The following HTR2A variants were observed in gnomAD, a reference collection of about 807,000 sequenced individuals.
HTR2A encodes the protein 5-hydroxytryptamine receptor 2A.
A neutral mutation model predicts 31.0 loss-of-function variants in HTR2A; 14 were observed. The ratio of observed to expected loss-of-function variants is 0.45; its 90% CI spans 0.30 to 0.71. HTR2A has a LOEUF of 0.71. Among genes scored for constraint, HTR2A ranks in the 30% least tolerant of loss-of-function variants. The pLI is 0.09. For missense variants in HTR2A, 442 were observed against 573.3 expected, an observed-to-expected ratio of 0.77 and a Z score of 2.34; for synonymous variants, 209 against 225.2, an observed-to-expected ratio of 0.93 and a Z score of 0.64.
At chr13:46,869,087 G>A (rs539019973) in intron 3 of HTR2A, among the ~76,000 whole-genome samples, 10 of 152,128 alleles carry the variant, frequency 6.6e-5, no homozygotes, top group African/African-American at 1.7e-4. Context: ...TAGATAAACC[G>A]GACTTCGTCA....
intron 3 of HTR2A, among the ~76,000 whole-genome samples, chr13:46,861,010 G>T (rs561942350): frequency 5.3e-5 from 8 of 152,158 alleles, no homozygotes; most frequent in Non-Finnish European, 1.5e-5. Flanking sequence ...AAACTGAAAA[G>T]GTTGATTACT....
chr13:46,884,015 A>T (rs934752062), intron 3 of HTR2A, among the ~76,000 whole-genome samples: 3 of 152,228 alleles, frequency 2.0e-5, no homozygotes, highest in African/African-American at 7.2e-5. Context: ...CTAATCTATG[A>T]TGTGGTTACC....
intron 3 of HTR2A, among the ~76,000 whole-genome samples, chr13:46,845,447 T>C (rs1000848512): frequency 1.3e-5 from 2 of 152,122 alleles, no homozygotes; most frequent in African/African-American, 4.8e-5. Context: ...CACACATTGC[T>C]TATCACTTAC....
chr13:46,891,303 A>C lies in HTR2A; in HGVS notation c.613+1087T>G, dbSNP rs114035684. On this transcript the variant is annotated intron_variant, in intron 3 of 3. Coordinates refer to ENST00000542664, the MANE Select transcript of HTR2A (RefSeq NM_000621.5). ...CAGATGTTCCCATCAGAATTCAATA[A>C]AATCCTTGTTGTGCTACTTACTGGC... is the stretch of plus-strand genomic sequence containing the variant. Among the ~76,000 whole-genome samples, 793 of 152,328 alleles carry C rather than the reference A, an allele frequency of 5.2e-3. 6 individuals carry two copies. Among genetic ancestry groups the C allele is most frequent in the African/African-American group, 0.018 (759 of 41,554 alleles).
At chr13:46,889,001 T>C (rs2138251160) in intron 3 of HTR2A, among the ~76,000 whole-genome samples, 1 of 152,228 alleles carries the variant, frequency 6.6e-6, no homozygotes, top group South Asian at 2.1e-4. Context: ...AATTGTAAGA[T>C]AACAGATTTA....
chr13:46,840,739 T>C (rs971416572), intron 3 of HTR2A, among the ~76,000 whole-genome samples: 3 of 152,200 alleles, frequency 2.0e-5, no homozygotes. Flanking sequence ...GTTTTTAACA[T>C]TGGCTTCAGG....
intron 3 of HTR2A, among the ~76,000 whole-genome samples, chr13:46,859,150 ATC>A (rs1205884213): frequency 6.6e-6 from 1 of 152,216 alleles, no homozygotes; most frequent in East Asian, 1.9e-4. Context: ...ATTTGCAGGG[ATC>A]TCTCTTTCCC....
intron 3 of HTR2A, among the ~76,000 whole-genome samples, chr13:46,869,720 T>C (rs1381673738): frequency 6.6e-6 from 1 of 152,084 alleles, no homozygotes; most frequent in African/African-American, 2.4e-5. Flanking sequence ...TAATGAAATA[T>C]TATTCAGCCA....
intron 3 of HTR2A, among the ~76,000 whole-genome samples, chr13:46,842,856 G>C (rs1294223361): frequency 2.6e-5 from 4 of 152,140 alleles, no homozygotes; most frequent in Admixed American, 1.3e-4. Context: ...TAGCTTGCTT[G>C]GTATACAGTA....
chr13:46,883,471 T>A (rs1307076668), intron 3 of HTR2A, among the ~76,000 whole-genome samples: 1 of 152,162 alleles, frequency 6.6e-6, no homozygotes, highest in Non-Finnish European at 1.5e-5. Context: ...TGAAATAACA[T>A]CTGGAAAAGG....
At position 46,842,640 on chromosome 13, in the gene HTR2A, T is replaced by A. The variant is rs574567464; in HGVS notation, c.614-7001A>T. On this transcript the variant is annotated intron_variant, in intron 3 of 3. Transcript: ENST00000542664. Reference sequence around the variant, plus strand: ...CAATTACCAGCTACTCAGCCCACCCTACAGGGTCTTTGTAATCTGATTTTA... The same window carrying A: ...CAATTACCAGCTACTCAGCCCACCCAACAGGGTCTTTGTAATCTGATTTTA... Among the ~76,000 whole-genome samples the A allele has an allele frequency of 6.6e-5, 10 of 152,336 alleles. No homozygotes were observed. The East Asian group carries it at 1.9e-3, about 29-fold the overall frequency.
chr13:46,870,281 T>G (rs995221673), intron 3 of HTR2A, among the ~76,000 whole-genome samples: 4 of 152,188 alleles, frequency 2.6e-5, no homozygotes, highest in Non-Finnish European at 4.4e-5. Flanking sequence ...GCTAAACTAC[T>G]GTCTTGAACA....
At chr13:46,870,426 C>T (rs970199226) in intron 3 of HTR2A, among the ~76,000 whole-genome samples, 1 of 152,052 alleles carries the variant, frequency 6.6e-6, no homozygotes, top group African/African-American at 2.4e-5. Context: ...AACAAATTGA[C>T]AATACAATGT....
At chr13:46,868,337 A>T (rs1950835095) in intron 3 of HTR2A, among the ~76,000 whole-genome samples, 1 of 152,226 alleles carries the variant, frequency 6.6e-6, no homozygotes, top group Non-Finnish European at 1.5e-5. Context: ...AAGCTCTGAC[A>T]GCTTGGTATT....
At chr13:46,856,365 G>A (rs946155598) in intron 3 of HTR2A, 6 of 152,120 alleles carry the variant, frequency 3.9e-5, no homozygotes, top group Non-Finnish European at 7.4e-5. Flanking sequence ...CAAAGCAAGT[G>A]GGGAGAAAAA....
chr13:46,882,002 T>C (rs918403277), intron 3 of HTR2A, among the ~76,000 whole-genome samples: 6 of 152,196 alleles, frequency 3.9e-5, no homozygotes, highest in African/African-American at 1.4e-4. Flanking sequence ...TTAGATTTTA[T>C]GTAGTTACAT....
intron 3 of HTR2A, among the ~76,000 whole-genome samples, chr13:46,886,430 C>A (rs1951006703): frequency 6.6e-6 from 1 of 151,978 alleles, no homozygotes; most frequent in Non-Finnish European, 1.5e-5. Context: ...CAAATGTGGG[C>A]AGGTCAAATT....
At chr13:46,883,734 G>A (rs138533990) in intron 3 of HTR2A, among the ~76,000 whole-genome samples, 2 of 152,196 alleles carry the variant, frequency 1.3e-5, no homozygotes, top group East Asian at 3.9e-4. Flanking sequence ...ATGGGAAGTA[G>A]GTTTATAAAG....
At chr13:46,894,247 C>A (rs1566322278) in intron 2 of HTR2A, among the ~76,000 whole-genome samples, 1 of 152,112 alleles carries the variant, frequency 6.6e-6, no homozygotes. Flanking sequence ...CGCCAGGGGG[C>A]GCCCTTGCTC....
Sources: allele counts gnomAD v4.1 joint callset (sites outside exome capture counted in the v4.1 genomes callset), GRCh38; gene constraint gnomAD v4.1.1; transcripts MANE v1.5; gene names NCBI Gene and HGNC (gene_info 2026-07-23, HGNC 2026-07-21).